FAM171A1: variants seen among roughly 807,000 people sequenced by gnomAD.
The protein encoded by FAM171A1 is family with sequence similarity 171 member A1.
In FAM171A1, 23 loss-of-function variants were observed where a neutral mutation model predicts 74.9. The observed-to-expected ratio is 0.31, with a 90% CI of 0.22 to 0.44. FAM171A1 has a LOEUF of 0.44. Among genes scored for constraint, FAM171A1 ranks in the 20% least tolerant of loss-of-function variants. The pLI is 1.00. For missense variants in FAM171A1, 1,162 were observed against 1,159.2 expected, an observed-to-expected ratio of 1.00 and a Z score of -0.03; for synonymous variants, 527 against 505.7, an observed-to-expected ratio of 1.04 and a Z score of -0.57.
At chr10:15,308,850 G>C (rs959099755) in intron 1 of FAM171A1, among the ~76,000 whole-genome samples, 4 of 152,082 alleles carry the variant, frequency 2.6e-5, no homozygotes, top group African/African-American at 9.7e-5. Context: ...ATTTTTAGTA[G>C]AGATGGGGTT....
At chr10:15,309,434 C>A (rs1255616864) in intron 1 of FAM171A1, among the ~76,000 whole-genome samples, 1 of 152,266 alleles carries the variant, frequency 6.6e-6, no homozygotes, top group African/African-American at 2.4e-5. Flanking sequence ...TCTTGAACTC[C>A]TGGTCTCACG....
intron 1 of FAM171A1, among the ~76,000 whole-genome samples, chr10:15,360,021 A>G (rs774752279): frequency 5.9e-5 from 9 of 151,908 alleles, no homozygotes; most frequent in Non-Finnish European, 1.2e-4. Context: ...TGCAGCTTCA[A>G]CCTCCCAGGC....
intron 3 of FAM171A1, among the ~76,000 whole-genome samples, chr10:15,261,200 A>C (rs1280342030): frequency 6.6e-6 from 1 of 152,246 alleles, no homozygotes; most frequent in Non-Finnish European, 1.5e-5. Context: ...ATTTCAGAAG[A>C]TGAAGTTTAA....
chr10:15,244,042 C>A (rs1271300299), intron 5 of FAM171A1, among the ~76,000 whole-genome samples: 4 of 152,158 alleles, frequency 2.6e-5, no homozygotes, highest in African/African-American at 4.8e-5. Flanking sequence ...ATCAGAGTAT[C>A]TTAAATTGCC....
rs148987159 is a variant in FAM171A1, at chr10:15,213,353, A to G, written c.2235T>C (p.Asp745=). 1,789 of 1,614,094 alleles carry G rather than the reference A, an allele frequency of 1.1e-3. 5 individuals are homozygous for G. The highest frequency in any genetic ancestry group is 1.4e-3 in the Non-Finnish European group (1,645 of 1,180,000). ...SNDASLDSGV[D]MNEPKSARKG... ...TCCGGGCTGATTTTGGTTCATTCAT[A>G]TCTACGCCAGAGTCCAAACTGGCAT... Residue 745 remains aspartate, a synonymous_variant, in exon 8 of 8, where the codon GAT becomes GAC. Transcript: ENST00000378116. This position sits in a 1 kb window ranked among gnomAD's most constrained non-coding sequence, Gnocchi z 6.8.
At position 15,214,144 on chromosome 10, in the gene FAM171A1, T is replaced by C. The variant is rs780850714; in HGVS notation, c.1444A>G (p.Asn482Asp). 7 of 1,614,180 alleles carry C rather than the reference T, an allele frequency of 4.3e-6. No homozygotes were observed. Among genetic ancestry groups the C allele is most frequent in the Non-Finnish European group, 5.1e-6 (6 of 1,180,032 alleles). ...TTGTAACTACCCCTGTAGTCATCAT[T>C]GCCCGAGGACTCGTAGCCTTCTCTT... is the stretch of plus-strand genomic sequence containing the variant. The part of the protein sequence containing the change: ...MEREGYESSG[N>D]DDYRGSYNTV... The change falls in exon 8 of 8, where the codon AAT becomes GAT. Residue 482 changes from asparagine (N) to aspartate (D), a missense_variant. By Grantham distance (23) the Asn-to-Asp change is conservative. Coordinates refer to ENST00000378116, the MANE Select transcript of FAM171A1 (RefSeq NM_001010924.2).
At chr10:15,228,816 G>A (rs1834143916) in intron 5 of FAM171A1, among the ~76,000 whole-genome samples, 1 of 152,190 alleles carries the variant, frequency 6.6e-6, no homozygotes, top group African/African-American at 2.4e-5. Context: ...GTGCGCTGAG[G>A]ACATGCTGAG....
upstream of FAM171A1, among the ~76,000 whole-genome samples, chr10:15,374,156 G>A (rs528758297): frequency 6.6e-6 from 1 of 152,274 alleles, no homozygotes; most frequent in South Asian, 2.1e-4. Flanking sequence ...AGGACGAATT[G>A]GAACTTTAGG....
At chr10:15,359,627 G>C (rs937271321) in intron 1 of FAM171A1, among the ~76,000 whole-genome samples, 1 of 152,202 alleles carries the variant, frequency 6.6e-6, no homozygotes, top group East Asian at 1.9e-4. Context: ...AAAAGGGACT[G>C]CAGAGGTCAT....
intron 2 of FAM171A1, among the ~76,000 whole-genome samples, chr10:15,283,019 A>G (rs1353767149): frequency 1.3e-5 from 2 of 152,342 alleles, no homozygotes; most frequent in East Asian, 3.9e-4. Flanking sequence ...TCCCAGCAGC[A>G]ATTTGAACTA....
At chr10:15,322,260 G>A (rs563090744) in intron 1 of FAM171A1, among the ~76,000 whole-genome samples, 1 of 152,288 alleles carries the variant, frequency 6.6e-6, no homozygotes, top group Admixed American at 6.5e-5. Flanking sequence ...AGCTGGAGGG[G>A]CCGTCGGCTG....
chr10:15,246,311 C>T (rs1341665326), intron 5 of FAM171A1, among the ~76,000 whole-genome samples: 3 of 152,156 alleles, frequency 2.0e-5, no homozygotes, highest in African/African-American at 7.2e-5. Context: ...ATTACAGTGT[C>T]TCTATTAATT....
intron 5 of FAM171A1, among the ~76,000 whole-genome samples, chr10:15,247,229 A>T (rs1834445837): frequency 6.6e-6 from 1 of 152,228 alleles, no homozygotes; most frequent in South Asian, 2.1e-4. Context: ...TGCTATGGAA[A>T]GATGTTCATG....
chr10:15,269,624 G>A (rs755066947), intron 3 of FAM171A1, among the ~76,000 whole-genome samples: 3 of 152,068 alleles, frequency 2.0e-5, no homozygotes, highest in Non-Finnish European at 4.4e-5. Context: ...CAAGAGAGAG[G>A]ATAAAGCCAC....
intron 5 of FAM171A1, among the ~76,000 whole-genome samples, chr10:15,243,214 G>C (rs543490453): frequency 1.6e-4 from 25 of 152,234 alleles, no homozygotes; most frequent in African/African-American, 5.8e-4. Flanking sequence ...GCTCCGGCCT[G>C]CGCTCCCATC....
intron 1 of FAM171A1, among the ~76,000 whole-genome samples, chr10:15,367,231 C>CAA (rs1564293221): frequency 1.3e-5 from 2 of 152,096 alleles, no homozygotes; most frequent in African/African-American, 4.8e-5. Flanking sequence ...AACACACACA[C>CAA]AAAAACTGAG....
chr10:15,335,238 T>C (rs1015825677), intron 1 of FAM171A1, among the ~76,000 whole-genome samples: 2 of 152,148 alleles, frequency 1.3e-5, no homozygotes, highest in African/African-American at 4.8e-5. Context: ...AGTGAGACCC[T>C]GTCTCAAACA....
chr10:15,214,348 T>C lies in FAM171A1; in HGVS notation c.1240A>G (p.Met414Val), dbSNP rs1210693002. The change falls in exon 8 of 8, where the codon ATG (methionine) becomes GTG (valine). Residue 414 changes from methionine (M) to valine (V), a missense_variant. Coordinates refer to ENST00000378116, the MANE Select transcript of FAM171A1 (RefSeq NM_001010924.2). Reference sequence around the variant, plus strand: ...GAGGTGCTGTAGGAGAGCTTGAGCATGGGGGTGTGCAGGTCCCCTTCGCCG... The same window carrying C: ...GAGGTGCTGTAGGAGAGCTTGAGCACGGGGGTGTGCAGGTCCCCTTCGCCG... ...PGGEGDLHTP[M>V]LKLSYSTSQE... 5.0e-6 allele frequency: 8 copies of C among 1,612,892 alleles called. No individual in the cohort carries two copies. The Admixed American group carries it at 5.0e-5, about 10-fold the overall frequency.
At position 15,284,090 on chromosome 10, in the gene FAM171A1, A is replaced by C; in HGVS notation, c.113T>G (p.Val38Gly). 3 of 1,613,484 alleles carry C rather than the reference A, an allele frequency of 1.9e-6. No homozygotes were observed. In the African/African-American group the frequency reaches 4.0e-5, roughly 22 times the overall value. The change falls in exon 2 of 8, where the codon GTG (valine) becomes GGG (glycine). Residue 38 changes from valine to glycine, a missense_variant. Physicochemically the swap from Val to Gly is moderately radical, Grantham distance 109. Transcript: ENST00000378116. ...GAGAQEVTLK[V>G]HISDASTHQP... ...GTGGGTGCTGGCGTCGCTGATGTGC[A>C]CCTTTAACGTCACCTCTGGAGGTAG...
Sources: gnomAD v4.1 joint callset for allele counts (sites outside exome capture counted in the v4.1 genomes callset) on GRCh38, gnomAD v4.1.1 for gene constraint, Gnocchi (gnomAD v3.1) non-coding constraint, MANE v1.5 for transcripts, NCBI Gene and HGNC (gene_info 2026-07-23, HGNC 2026-07-21) for gene names.